Variants in SLC35F4 observed in about 807,000 individuals in gnomAD.
The protein encoded by SLC35F4 is solute carrier family 35 member F4.
SLC35F4 carries 24 observed loss-of-function variants against 44.2 expected under a neutral mutation model. That is an observed-to-expected ratio of 0.54 (90% confidence interval 0.39 to 0.76). The LOEUF (loss-of-function observed/expected upper bound fraction) is 0.76. SLC35F4 is among the 30% of genes least tolerant of loss of function. The pLI, the probability that SLC35F4 is intolerant of heterozygous loss-of-function variation, is 0.00. For missense variants in SLC35F4, 562 were observed against 586.1 expected, an observed-to-expected ratio of 0.96 and a Z score of 0.42; for synonymous variants, 238 against 223.6, an observed-to-expected ratio of 1.06 and a Z score of -0.57.
chr14:57,777,982 C>T (rs745922803), intron 1 of SLC35F4, among the ~76,000 whole-genome samples: 1 of 152,170 alleles, frequency 6.6e-6, no homozygotes, highest in African/African-American at 2.4e-5. Context: ...ACCCAAATCT[C>T]ATCTTGAATT....
chr14:57,881,087 C>G (rs910360873), intron 1 of SLC35F4, among the ~76,000 whole-genome samples: 6 of 152,094 alleles, frequency 3.9e-5, no homozygotes, highest in Non-Finnish European at 5.9e-5. Flanking sequence ...AACAAATGCC[C>G]TCTCTACTCT....
At chr14:57,746,992 A>G (rs1469963840) in intron 1 of SLC35F4, among the ~76,000 whole-genome samples, 1 of 152,200 alleles carries the variant, frequency 6.6e-6, no homozygotes, top group Non-Finnish European at 1.5e-5. Context: ...AATCCTAAGC[A>G]CAGAAGTTTT....
intron 1 of SLC35F4, among the ~76,000 whole-genome samples, chr14:57,762,014 C>T (rs1262299872): frequency 6.6e-6 from 1 of 152,102 alleles, no homozygotes; most frequent in African/African-American, 2.4e-5. Flanking sequence ...AGAGCTACTG[C>T]TAAAACATTC....
intron 1 of SLC35F4, among the ~76,000 whole-genome samples, chr14:57,846,975 G>C (rs1461289488): frequency 6.6e-6 from 1 of 152,228 alleles, no homozygotes; most frequent in African/African-American, 2.4e-5. Flanking sequence ...TCTGCAGATA[G>C]TCCTGGCCAT....
intron 1 of SLC35F4, among the ~76,000 whole-genome samples, chr14:57,812,612 T>C (rs60165578): frequency 0.15 from 23,189 of 152,064 alleles, 2,237 homozygotes; most frequent in African/African-American, 0.27. Flanking sequence ...TGGGGCCCAA[T>C]GAATTTGGAT....
intron 1 of SLC35F4, among the ~76,000 whole-genome samples, chr14:57,626,908 C>A (rs1164231200): frequency 2.6e-5 from 4 of 152,036 alleles, no homozygotes; most frequent in African/African-American, 9.7e-5. Context: ...AGAGTTTTCC[C>A]TTTTGAAAAG....
In SLC35F4 at chr14:57,581,429, A is replaced by C; in HGVS notation, c.592T>G (p.Cys198Gly). 1 of 1,607,420 alleles carries C rather than the reference A, an allele frequency of 6.2e-7. No homozygotes were observed. Among genetic ancestry groups the C allele is most frequent in the Non-Finnish European group, 8.5e-7 (1 of 1,176,652 alleles). The change falls in exon 4 of 8, where the codon TGC (cysteine) becomes GGC (glycine). Residue 198 changes from cysteine (C) to glycine (G), a missense_variant. Transcript: ENST00000556826. The stretch of plus-strand genomic sequence containing the variant: ...CCATCTTCACCAAAAATCCGACTGC[A>C]TTCCCTAGGAAAGAAAAGAGAAGTT... ...KQSPMKKFRECSRIFGEDGLT... is the reference protein window; with the variant it reads ...KQSPMKKFREGSRIFGEDGLT...
chr14:57,759,541 C>T (rs532751818), intron 1 of SLC35F4, among the ~76,000 whole-genome samples: 1 of 152,086 alleles, frequency 6.6e-6, no homozygotes, highest in Non-Finnish European at 1.5e-5. Context: ...GTTTGTGCCA[C>T]TGCACTCCAG....
Position 57,814,654 on chromosome 14 carries a change from A to C in SLC35F4, c.103+51069T>G, listed in dbSNP as rs138121371. Among the ~76,000 whole-genome samples the C allele has an allele frequency of 5.5e-3, 841 of 152,322 alleles. 4 individuals carry two copies. The highest frequency in any genetic ancestry group is 0.017 in the Middle Eastern group (5 of 294). On this transcript the variant is annotated intron_variant, in intron 1 of 7. Transcript: ENST00000556826. ...GTTGCTGCCATGACCCAAGAAAGAA[A>C]AGTTGCTGCAATGTGTGCCATTACT...
chr14:57,672,783 ATTT>A (rs10569229), intron 1 of SLC35F4, among the ~76,000 whole-genome samples: 3,846 of 150,594 alleles, frequency 0.026, 181 homozygotes, highest in African/African-American at 0.087. Context: ...ATTTTATTTT[ATTT>A]TTTTTTTTTC....
chr14:57,573,282 A>G (rs2068607712), intron 4 of SLC35F4, among the ~76,000 whole-genome samples: 1 of 152,192 alleles, frequency 6.6e-6, no homozygotes, highest in Non-Finnish European at 1.5e-5. Flanking sequence ...ACTTGGTTTC[A>G]GAGTAGCTCC....
intron 1 of SLC35F4, among the ~76,000 whole-genome samples, chr14:57,977,929 A>G (rs1881265789): frequency 6.6e-6 from 1 of 152,146 alleles, no homozygotes; most frequent in Non-Finnish European, 1.5e-5. Flanking sequence ...GTACATATAT[A>G]CCTGTACTTT....
intron 1 of SLC35F4, among the ~76,000 whole-genome samples, chr14:57,853,491 G>A (rs923502245): frequency 1.3e-5 from 2 of 152,146 alleles, no homozygotes; most frequent in South Asian, 2.1e-4. Context: ...AGGGCCTCTG[G>A]CAGCCATGAT....
chr14:57,685,783 ATTTAT>A (rs1427497830), intron 1 of SLC35F4, among the ~76,000 whole-genome samples: 1 of 152,106 alleles, frequency 6.6e-6, no homozygotes, highest in East Asian at 1.9e-4. Context: ...TGTCTTTTGT[ATTTAT>A]TTGTTTGTTA....
chr14:57,564,522 G>A, intron 7 of SLC35F4, 146 bp from the exon 8 acceptor site: 1 of 1,181,500 alleles, frequency 8.5e-7, no homozygotes, highest in Non-Finnish European at 1.2e-6. Context: ...ACATTGCTAG[G>A]TTTGCTTTCC....
At chr14:57,909,730 T>G (rs1265864958) in intron 1 of SLC35F4, among the ~76,000 whole-genome samples, 1 of 152,168 alleles carries the variant, frequency 6.6e-6, no homozygotes, top group Admixed American at 6.5e-5. Flanking sequence ...CTGAGGGATA[T>G]GTTGGTTGCT....
intron 1 of SLC35F4, among the ~76,000 whole-genome samples, chr14:57,805,566 T>C (rs1437802582): frequency 6.6e-6 from 1 of 152,192 alleles, no homozygotes; most frequent in East Asian, 1.9e-4. Flanking sequence ...GGGAGCTGAA[T>C]GATGAGAACA....
At chr14:57,953,936 A>G (rs1233802731) in intron 1 of SLC35F4, among the ~76,000 whole-genome samples, 2 of 152,234 alleles carry the variant, frequency 1.3e-5, no homozygotes, top group Non-Finnish European at 2.9e-5. Flanking sequence ...CCTAATAGAC[A>G]TCTACAGAAC....
At chr14:57,635,271 A>G (rs1450104053) in intron 1 of SLC35F4, among the ~76,000 whole-genome samples, 2 of 150,936 alleles carry the variant, frequency 1.3e-5, no homozygotes, top group Non-Finnish European at 1.5e-5. Flanking sequence ...AACCCCAAAT[A>G]TCTGGCTTTT....
Sources: gnomAD v4.1 joint callset for allele counts (sites outside exome capture counted in the v4.1 genomes callset) on GRCh38, gnomAD v4.1.1 for gene constraint, MANE v1.5 for transcripts, NCBI Gene and HGNC (gene_info 2026-07-23, HGNC 2026-07-21) for gene names.